Variants in PTPRG observed in about 807,000 individuals in gnomAD.
PTPRG encodes protein tyrosine phosphatase receptor type G.
A neutral mutation model predicts 165.3 loss-of-function variants in PTPRG; 102 were observed. The observed-to-expected ratio is 0.62, with a 90% CI of 0.53 to 0.73. The LOEUF (loss-of-function observed/expected upper bound fraction) is 0.73, where lower values mean the gene tolerates loss of function less well. Ranked by LOEUF, PTPRG falls within the 30% of genes least tolerant of loss-of-function variation. The pLI is 0.00. For synonymous variants in PTPRG, 675 were observed against 669.5 expected (o/e 1.01, Z -0.13); for missense variants, 1,866 against 1,861.4 (o/e 1.00, Z -0.05).
chr3:62,188,503 G>A (rs370242924), intron 8 of PTPRG, among the ~76,000 whole-genome samples: 5 of 152,232 alleles, frequency 3.3e-5, no homozygotes, highest in South Asian at 2.1e-4. Flanking sequence ...GTTCACAATC[G>A]TTTTCTCTGG....
At chr3:61,799,815 C>T (rs1364294027) in intron 2 of PTPRG, among the ~76,000 whole-genome samples, 2 of 152,168 alleles carry the variant, frequency 1.3e-5, no homozygotes, top group African/African-American at 4.8e-5. Flanking sequence ...GGGAGTTATT[C>T]ACTAACCCCT....
At chr3:62,175,359 T>C (rs1021202540) in intron 8 of PTPRG, among the ~76,000 whole-genome samples, 3 of 152,186 alleles carry the variant, frequency 2.0e-5, no homozygotes, top group Non-Finnish European at 4.4e-5. Context: ...CACGCGCCAG[T>C]AGTCCCAGCT....
chr3:61,657,317 G>A (rs1021067681), intron 1 of PTPRG, among the ~76,000 whole-genome samples: 1 of 152,078 alleles, frequency 6.6e-6, no homozygotes. Flanking sequence ...GGGAAGGTCA[G>A]TTAAGTTTTA....
At chr3:61,635,318 C>T (rs1327772065) in intron 1 of PTPRG, among the ~76,000 whole-genome samples, 3 of 148,968 alleles carry the variant, frequency 2.0e-5, no homozygotes, top group African/African-American at 4.9e-5. Context: ...TTACCAATTA[C>T]CCTATAAAGT....
chr3:61,869,145 A>T (rs1041695143), intron 2 of PTPRG, among the ~76,000 whole-genome samples: 1 of 152,204 alleles, frequency 6.6e-6, no homozygotes, highest in Non-Finnish European at 1.5e-5. Context: ...ATCTCCATCA[A>T]TGAGGCTGAC....
rs1248116622 is a variant in PTPRG, at chr3:62,228,613, G to A, written c.2289-2612G>A. 6.6e-6 allele frequency among the ~76,000 whole-genome samples: 1 copy of A among 152,054 alleles called. No individual in the cohort carries two copies. ...GATGACCCAGAAGCACTGGATCATG[G>A]CACATTCATTATTTCTTAGGGCAAA... On this transcript the variant is annotated intron_variant, in intron 13 of 29. Transcript: ENST00000474889. The surrounding 1 kb of genome is among the most constrained non-coding windows in gnomAD (Gnocchi z 4.1).
chr3:61,713,658 C>G (rs113937601), intron 1 of PTPRG, among the ~76,000 whole-genome samples: 2 of 152,076 alleles, frequency 1.3e-5, no homozygotes, highest in African/African-American at 4.8e-5. Context: ...AAAGGTAATG[C>G]TTGTTAAATA....
chr3:61,984,566 A>G (rs1215700213), intron 2 of PTPRG, among the ~76,000 whole-genome samples: 1 of 152,098 alleles, frequency 6.6e-6, no homozygotes, highest in Non-Finnish European at 1.5e-5. Context: ...CACAACTTAT[A>G]TTTTACTTGG....
chr3:62,038,498 A>G (rs113428344), intron 4 of PTPRG, among the ~76,000 whole-genome samples: 9 of 152,186 alleles, frequency 5.9e-5, no homozygotes, highest in African/African-American at 1.7e-4. Context: ...CCCAGGCTCA[A>G]GCTATCCTCC....
At chr3:62,085,052 C>T (rs1306704911) in intron 5 of PTPRG, among the ~76,000 whole-genome samples, 1 of 152,220 alleles carries the variant, frequency 6.6e-6, no homozygotes, top group Admixed American at 6.5e-5. Flanking sequence ...TATAAACTCT[C>T]TGAAGTTGAA....
intron 5 of PTPRG, among the ~76,000 whole-genome samples, chr3:62,103,988 A>C (rs1324595429): frequency 6.6e-6 from 1 of 152,264 alleles, no homozygotes; most frequent in Non-Finnish European, 1.5e-5. Flanking sequence ...ATAAAAGCAC[A>C]GTCAAAACTG....
chr3:62,187,308 T>C (rs1272750271), intron 8 of PTPRG, among the ~76,000 whole-genome samples: 5 of 152,214 alleles, frequency 3.3e-5, no homozygotes, highest in Admixed American at 2.6e-4. Flanking sequence ...CAGTTGATAA[T>C]TGTGTTTCAA....
At chr3:61,579,014 A>G (rs550446018) in intron 1 of PTPRG, among the ~76,000 whole-genome samples, 1 of 152,262 alleles carries the variant, frequency 6.6e-6, no homozygotes, top group East Asian at 1.9e-4. Flanking sequence ...CTCAGGCCCC[A>G]TCTCGAGCCT....
intron 2 of PTPRG, among the ~76,000 whole-genome samples, chr3:61,898,791 AAAAG>A (rs2038427235): frequency 6.6e-6 from 1 of 152,248 alleles, no homozygotes; most frequent in African/African-American, 2.4e-5. Flanking sequence ...GAGGAATTCA[AAAAG>A]AAAGAAAATG....
intron 1 of PTPRG, among the ~76,000 whole-genome samples, chr3:61,662,420 A>G (rs536477755): frequency 1.3e-5 from 2 of 152,310 alleles, no homozygotes; most frequent in South Asian, 4.1e-4. Flanking sequence ...TGGATCCTCT[A>G]TCCCAGATTA....
chr3:61,762,526 G>T lies in PTPRG; in HGVS notation c.190+13544G>T, dbSNP rs575485686. Among the ~76,000 whole-genome samples the T allele has an allele frequency of 5.9e-5, 9 of 152,182 alleles. No individual in the cohort carries two copies. The East Asian group carries it at 1.7e-3, about 29-fold the overall frequency. ...CTTGGGAGGCTGAGGCAGGAGAGAC[G>T]CTTGAACCCAGGAGGTGGAGGTTGA... On this transcript the variant is annotated intron_variant, in intron 2 of 29. Coordinates refer to ENST00000474889, the MANE Select transcript of PTPRG (RefSeq NM_002841.4).
chr3:62,034,540 C>G (rs191601908), intron 4 of PTPRG, among the ~76,000 whole-genome samples: 75 of 152,312 alleles, frequency 4.9e-4, no homozygotes, highest in Middle Eastern at 3.4e-3. Context: ...GGTAGAATGT[C>G]TTTCAAACTC....
intron 2 of PTPRG, among the ~76,000 whole-genome samples, chr3:61,813,099 A>G (rs1354883266): frequency 6.6e-6 from 1 of 152,160 alleles, no homozygotes; most frequent in Non-Finnish European, 1.5e-5. Context: ...GAGGTAGAAC[A>G]TAGTACAGAT....
chr3:62,055,697 T>C (rs1340345995), intron 4 of PTPRG, among the ~76,000 whole-genome samples: 1 of 152,226 alleles, frequency 6.6e-6, no homozygotes, highest in Non-Finnish European at 1.5e-5. Flanking sequence ...GTGCTTTTGC[T>C]CTTAGCTTCT....
Sources: allele counts gnomAD v4.1 joint callset (sites outside exome capture counted in the v4.1 genomes callset), GRCh38; gene constraint gnomAD v4.1.1; non-coding constraint Gnocchi (gnomAD v3.1); transcripts MANE v1.5; gene names NCBI Gene and HGNC (gene_info 2026-07-23, HGNC 2026-07-21).